The following SDAD1 variants were observed in gnomAD, a reference collection of about 807,000 sequenced individuals.
The protein encoded by SDAD1 is protein SDA1 homolog.
A neutral mutation model predicts 100.3 loss-of-function variants in SDAD1; 79 were observed. The ratio of observed to expected loss-of-function variants is 0.79; its 90% CI spans 0.66 to 0.95. SDAD1 has a LOEUF of 0.95. Among genes scored for constraint, SDAD1 ranks in the 40% least tolerant of loss-of-function variants. The probability of loss-of-function intolerance (pLI) is 0.00; values close to 1 mark genes in which losing one functional copy is unlikely to be tolerated. For missense variants in SDAD1, 790 were observed against 810.9 expected (o/e 0.97, Z 0.31); for synonymous variants, 267 against 271.4 (o/e 0.98, Z 0.16).
intron 1 of SDAD1, among the ~76,000 whole-genome samples, chr4:75,982,890 C>T (rs577688235): frequency 1.5e-4 from 23 of 151,648 alleles, no homozygotes; most frequent in Non-Finnish European, 2.5e-4. Flanking sequence ...TGGTTTGCTG[C>T]ACCCATCAAC....
At chr4:75,977,543 T>C in intron 4 of SDAD1, 103 bp downstream of exon 4, 1 of 784,392 alleles carries the variant, frequency 1.3e-6, no homozygotes, top group South Asian at 1.5e-5. Context: ...CTTTTTCCTG[T>C]TAAAGTTATT....
chr4:75,973,099 A>T (rs1447437473), intron 8 of SDAD1, among the ~76,000 whole-genome samples: 1 of 152,242 alleles, frequency 6.6e-6, no homozygotes, highest in Non-Finnish European at 1.5e-5. Flanking sequence ...ACTAAGATCA[A>T]GGTTGAATAA....
intron 21 of SDAD1, among the ~76,000 whole-genome samples, chr4:75,952,877 C>T (rs1414006201): frequency 6.6e-6 from 1 of 152,088 alleles, no homozygotes; most frequent in Non-Finnish European, 1.5e-5. Flanking sequence ...CATGTTGAAA[C>T]AATACTATTT....
At chr4:75,985,423 C>T (rs1730833098) in intron 1 of SDAD1, among the ~76,000 whole-genome samples, 1 of 152,180 alleles carries the variant, frequency 6.6e-6, no homozygotes, top group Non-Finnish European at 1.5e-5. Context: ...AATGCTACTT[C>T]CAGAGCACTC....
intron 2 of SDAD1, 21 bp downstream of exon 2, chr4:75,981,912 T>G: frequency 6.6e-7 from 1 of 1,522,418 alleles, no homozygotes; most frequent in South Asian, 1.2e-5. Flanking sequence ...CTGGTCTTTA[T>G]TTAAGCAATT....
intron 1 of SDAD1, among the ~76,000 whole-genome samples, chr4:75,982,688 C>T (rs1730607933): frequency 6.6e-6 from 1 of 152,032 alleles, no homozygotes; most frequent in Non-Finnish European, 1.5e-5. Context: ...CTACCATATC[C>T]ATGTATGCAG....
intron 21 of SDAD1, among the ~76,000 whole-genome samples, chr4:75,954,930 C>T (rs1052701451): frequency 2.0e-5 from 3 of 152,160 alleles, no homozygotes; most frequent in African/African-American, 7.2e-5. Flanking sequence ...CTTGCCACGG[C>T]TCTTGTAGGT....
Position 75,975,923 on chromosome 4 carries a change from C to T in SDAD1, c.477+1G>A. ...AACATGGAAGACAGAAGAGTACTTA[C>T]TACATTCACTTTATTGTTCTTGTGT... On this transcript the variant is annotated splice_donor_variant, in intron 5 of 21. Transcript: ENST00000356260. LOFTEE classifies it high-confidence loss of function. 1.3e-6 allele frequency: 2 copies of T among 1,598,372 alleles called. No individual in the cohort carries two copies. The highest frequency in any genetic ancestry group is 4.5e-5 in the East Asian group (2 of 44,778).
rs369827760 is a variant in SDAD1 at position 75,976,451 on chromosome 4, G to C, written c.406-456C>G. Among the ~76,000 whole-genome samples the C allele has an allele frequency of 8.3e-4, 127 of 152,298 alleles. 2 individuals carry two copies. The South Asian group carries it at 0.026, about 31-fold the overall frequency. ...GAATCTTGGAAACATTATGCTAAGT[G>C]AAAGAATCTAGTCACTAAAGACCAC... On this transcript the variant is annotated intron_variant, in intron 4 of 21. Coordinates refer to ENST00000356260, the MANE Select transcript of SDAD1 (RefSeq NM_018115.4).
chr4:75,986,194 C>T (rs563497553), intron 1 of SDAD1, among the ~76,000 whole-genome samples: 11 of 152,260 alleles, frequency 7.2e-5, no homozygotes, highest in African/African-American at 2.4e-4. Flanking sequence ...TCATGGCTCA[C>T]TGCAGCATCA....
intron 4 of SDAD1, among the ~76,000 whole-genome samples, chr4:75,977,133 T>C (rs886942276): frequency 6.6e-6 from 1 of 152,192 alleles, no homozygotes; most frequent in Admixed American, 6.5e-5. Flanking sequence ...CTTCAGCTTC[T>C]AGTCTTATAT....
At chr4:75,969,183 G>T in intron 11 of SDAD1, 113 bp downstream of exon 11, 2 of 624,838 alleles carry the variant, frequency 3.2e-6, no homozygotes, top group Non-Finnish European at 5.4e-6. Context: ...AATTTTATGT[G>T]TTTAAATGTA....
chr4:75,955,504 G>A (rs1728841650), intron 21 of SDAD1, among the ~76,000 whole-genome samples: 1 of 152,212 alleles, frequency 6.6e-6, no homozygotes, highest in Non-Finnish European at 1.5e-5. Context: ...AGTGAGCCAT[G>A]AGGCTGCAGT....
intron 21 of SDAD1, among the ~76,000 whole-genome samples, chr4:75,951,419 T>C (rs530698812): frequency 3.3e-5 from 5 of 152,290 alleles, no homozygotes; most frequent in Non-Finnish European, 5.9e-5. Flanking sequence ...AACTCAGAAA[T>C]TGAAGCCCTG....
intron 21 of SDAD1, among the ~76,000 whole-genome samples, chr4:75,953,317 G>C (rs112463089): frequency 7.9e-5 from 12 of 151,580 alleles, no homozygotes; most frequent in African/African-American, 2.0e-4. Context: ...AAGTAGGGGT[G>C]GGGGGAGCCC....
At position 75,957,655 on chromosome 4, in the gene SDAD1, G is replaced by A. The variant is rs1439522769; in HGVS notation, c.1632C>T (p.Ala544=). 1.9e-6 allele frequency: 3 copies of A among 1,614,148 alleles called. No individual in the cohort carries two copies. The highest frequency in any genetic ancestry group is 1.6e-4 in the Middle Eastern group (1 of 6,062). The part of the protein sequence containing the change: ...PMEERKAKAA[A]ISTSRVLTQE... ...GAGTTAAAACTCGGCTAGTGCTGAT[G>A]GCTGCAGCTTTGGCCTTCCGCTCCT... is the stretch of plus-strand genomic sequence containing the variant. The change falls in exon 19 of 22, where the codon GCC becomes GCT. Residue 544 remains alanine, a synonymous_variant. Transcript: ENST00000356260.
intron 17 of SDAD1, among the ~76,000 whole-genome samples, chr4:75,959,131 T>TA (rs1430459370): frequency 1.4e-3 from 91 of 65,060 alleles, no homozygotes; most frequent in Admixed American, 2.6e-3. Context: ...AAAAAAAACC[T>TA]AAAAAAAAAC....
chr4:75,957,347 T>C lies in SDAD1; in HGVS notation c.1832A>G (p.Glu611Gly). 1.2e-6 allele frequency: 2 copies of C among 1,614,198 alleles called. No individual in the cohort carries two copies. Among genetic ancestry groups the C allele is most frequent in the Non-Finnish European group, 1.7e-6 (2 of 1,180,012 alleles). Residue 611 changes from glutamate (E) to glycine (G), a missense_variant, in exon 20 of 22, where the codon GAG becomes GGG. Glu to Gly is a moderately conservative substitution (Grantham distance 98, BLOSUM62 -2). Coordinates refer to ENST00000356260, the MANE Select transcript of SDAD1 (RefSeq NM_018115.4). ...CACCATTGCAGTTGCTAGTCTTGTCTCTTTGTCAGACTTTGGCTTTTTATG... is the reference window on the plus strand; with the variant it reads ...CACCATTGCAGTTGCTAGTCTTGTCCCTTTGTCAGACTTTGGCTTTTTATG... ...RLHKKPKSDK[E>G]TRLATAMAGK...
Position 75,975,776 on chromosome 4 carries a change from A to G in SDAD1, c.546T>C (p.Asp182=). 1 of 1,613,818 alleles carries G rather than the reference A, an allele frequency of 6.2e-7. No individual in the cohort carries two copies. Among genetic ancestry groups the G allele is most frequent in the Non-Finnish European group, 8.5e-7 (1 of 1,179,726 alleles). ...SNATAAKMSL[D]VMIELYRRNI... ...TCCTTCTGTAGAGTTCAATCATTAC[A>G]TCTAAAGACATCTTGGCTGCGGTTG... Residue 182 remains aspartate (D), a synonymous_variant, in exon 6 of 22, where the codon GAT becomes GAC. Transcript: ENST00000356260.
Sources: gnomAD v4.1 joint callset for allele counts (sites outside exome capture counted in the v4.1 genomes callset) on GRCh38, gnomAD v4.1.1 for gene constraint, MANE v1.5 for transcripts, NCBI Gene and HGNC (gene_info 2026-07-23, HGNC 2026-07-21) for gene names.